STARD13: variants seen among roughly 807,000 people sequenced by gnomAD.
The protein encoded by STARD13 is stAR-related lipid transfer protein 13.
STARD13 carries 62 observed loss-of-function variants against 106.4 expected under a neutral mutation model. That is an observed-to-expected ratio of 0.58 (90% CI 0.48 to 0.72). STARD13 has a LOEUF of 0.72. STARD13 is among the 30% of genes least tolerant of loss of function. The pLI, the probability that STARD13 is intolerant of heterozygous loss-of-function variation, is 0.00. For synonymous variants in STARD13, 565 were observed against 553.0 expected, an observed-to-expected ratio of 1.02 and a Z score of -0.31; for missense variants, 1,387 against 1,424.0, an observed-to-expected ratio of 0.97 and a Z score of 0.42.
chr13:33,367,629 G>A, the STARD13 span, among the ~76,000 whole-genome samples: 5 of 151,884 alleles, frequency 3.3e-5, no homozygotes, highest in Non-Finnish European at 1.5e-5. Flanking sequence ...GTGTCTCAGT[G>A]ATAGATTTGC....
At chr13:33,627,882 G>A in the STARD13 span, among the ~76,000 whole-genome samples, 7 of 152,072 alleles carry the variant, frequency 4.6e-5, no homozygotes, top group African/African-American at 9.6e-5. Flanking sequence ...GATGAACATC[G>A]AAGCTATTGG....
chr13:33,428,446 A>C, the STARD13 span, among the ~76,000 whole-genome samples: 1 of 152,214 alleles, frequency 6.6e-6, no homozygotes, highest in Non-Finnish European at 1.5e-5. Flanking sequence ...TATTAAAAAT[A>C]TAAAAGGAAC....
chr13:33,393,379 T>C, the STARD13 span, among the ~76,000 whole-genome samples: 1 of 152,302 alleles, frequency 6.6e-6, no homozygotes, highest in South Asian at 2.1e-4. Flanking sequence ...GCAACGTGAT[T>C]ACCAAAAGCA....
At chr13:33,147,849 T>C (rs982837328) in intron 3 of STARD13, among the ~76,000 whole-genome samples, 1 of 152,126 alleles carries the variant, frequency 6.6e-6, no homozygotes, top group Non-Finnish European at 1.5e-5. Flanking sequence ...ATCATGATAG[T>C]ATGGTACTGG....
At chr13:33,438,887 G>A in the STARD13 span, among the ~76,000 whole-genome samples, 4 of 152,142 alleles carry the variant, frequency 2.6e-5, no homozygotes, top group African/African-American at 9.7e-5. Flanking sequence ...TCAGACTATT[G>A]CTTTTAGAGG....
chr13:33,454,647 GA>G, the STARD13 span, among the ~76,000 whole-genome samples: 2 of 152,168 alleles, frequency 1.3e-5, no homozygotes, highest in African/African-American at 4.8e-5. Context: ...GATATTTATT[GA>G]ATGACTATTA....
chr13:33,154,061 A>G (rs1881643027), intron 3 of STARD13, among the ~76,000 whole-genome samples: 1 of 152,220 alleles, frequency 6.6e-6, no homozygotes, highest in Admixed American at 6.5e-5. Flanking sequence ...CAGATTCTGG[A>G]GAGCAGAGAT....
At chr13:33,298,320 T>C (rs937612177) in intron 1 of STARD13, among the ~76,000 whole-genome samples, 2 of 150,878 alleles carry the variant, frequency 1.3e-5, no homozygotes, top group African/African-American at 2.4e-5. Flanking sequence ...TTTGTATTTT[T>C]AGTAGAGACA....
intron 3 of STARD13, among the ~76,000 whole-genome samples, chr13:33,158,136 T>C (rs1289904338): frequency 6.6e-6 from 1 of 152,026 alleles, no homozygotes; most frequent in African/African-American, 2.4e-5. Flanking sequence ...TCACACCTTC[T>C]GCAAAGACAG....
chr13:33,462,148 C>T, the STARD13 span, among the ~76,000 whole-genome samples: 3 of 152,166 alleles, frequency 2.0e-5, no homozygotes, highest in African/African-American at 4.8e-5. Flanking sequence ...TGCCATTTGC[C>T]TCTGAACTTG....
chr13:33,308,077 G>A (rs921152883), intron 1 of STARD13, among the ~76,000 whole-genome samples: 107 of 152,292 alleles, frequency 7.0e-4, no homozygotes, highest in African/African-American at 2.5e-3. Context: ...TGCTCCACGT[G>A]GAGCTTTGTA....
At chr13:33,320,192 T>C (rs1893503626) in intron 1 of STARD13, among the ~76,000 whole-genome samples, 1 of 152,232 alleles carries the variant, frequency 6.6e-6, no homozygotes, top group Admixed American at 6.5e-5. Context: ...GCAAATGTTA[T>C]TTCTCCTGCT....
intron 1 of STARD13, among the ~76,000 whole-genome samples, chr13:33,313,606 G>A (rs190989573): frequency 2.0e-3 from 309 of 152,100 alleles, no homozygotes; most frequent in African/African-American, 7.1e-3. Context: ...TAATTTGTTG[G>A]CTCCCACAGA....
At chr13:33,654,175 A>T in the STARD13 span, among the ~76,000 whole-genome samples, 16 of 152,234 alleles carry the variant, frequency 1.1e-4, no homozygotes, top group Non-Finnish European at 1.5e-5. Context: ...AAGTATGTAC[A>T]CAAGACAAAT....
the STARD13 span, among the ~76,000 whole-genome samples, chr13:33,628,180 CA>C: frequency 9.2e-4 from 139 of 150,626 alleles, 1 homozygote; most frequent in African/African-American, 3.1e-3. Context: ...CACACACACA[CA>C]CACACACACA....
At chr13:33,364,581 A>C in the STARD13 span, among the ~76,000 whole-genome samples, 3 of 152,284 alleles carry the variant, frequency 2.0e-5, no homozygotes, top group East Asian at 5.8e-4. Context: ...TTAAAGGAGA[A>C]TAGAATAACG....
the STARD13 span, among the ~76,000 whole-genome samples, chr13:33,675,961 C>T: frequency 1.3e-5 from 2 of 152,222 alleles, no homozygotes. Flanking sequence ...TACATTTCTA[C>T]AGGAAGATCG....
chr13:33,177,875 A>T (rs1428040064), intron 1 of STARD13, among the ~76,000 whole-genome samples: 3 of 5,486 alleles, frequency 5.5e-4, no homozygotes, highest in African/African-American at 3.6e-3. Context: ...GGAAGGAAGG[A>T]AAGGAAGGAA....
At chr13:33,499,625 CTT>C in the STARD13 span, among the ~76,000 whole-genome samples, 2 of 121,752 alleles carry the variant, frequency 1.6e-5, no homozygotes, top group South Asian at 2.6e-4. Flanking sequence ...TCTTCTTCTT[CTT>C]CTTCTTCTTC....
Sources: gnomAD v4.1 joint callset for allele counts (sites outside exome capture counted in the v4.1 genomes callset) on GRCh38, gnomAD v4.1.1 for gene constraint, MANE v1.5 for transcripts, NCBI Gene and HGNC (gene_info 2026-07-23, HGNC 2026-07-21) for gene names.